Variants in USP42 observed in about 807,000 individuals in gnomAD.
USP42 encodes the protein ubiquitin carboxyl-terminal hydrolase 42.
Under a neutral mutation model 113.0 loss-of-function variants are expected in USP42, and 23 were observed. That is an observed-to-expected ratio of 0.20 (90% CI 0.15 to 0.29). USP42 has a LOEUF of 0.29. USP42 is among the 10% of genes least tolerant of loss of function. The probability of loss-of-function intolerance (pLI) is 1.00; values close to 1 mark genes in which losing one functional copy is unlikely to be tolerated. For synonymous variants in USP42, 933 were observed against 699.0 expected (o/e 1.33, Z -5.28); for missense variants, 2,174 against 1,779.8 (o/e 1.22, Z -3.99).
intron 14 of USP42, among the ~76,000 whole-genome samples, chr7:6,153,303 A>AAAC (rs1554348239): frequency 5.3e-5 from 5 of 94,284 alleles, no homozygotes; most frequent in African/African-American, 3.9e-4. Flanking sequence ...GAAACAAAAC[A>AAAC]AAAAAAAAAA....
At chr7:6,118,539 AG>A (rs1386122005) in intron 3 of USP42, among the ~76,000 whole-genome samples, 1 of 151,882 alleles carries the variant, frequency 6.6e-6, no homozygotes, top group Non-Finnish European at 1.5e-5. Flanking sequence ...AGAAAAGACA[AG>A]AAAAAAAAAA....
chr7:6,153,623 T>TA (rs1782200256), intron 14 of USP42, 133 bp from the exon 15 acceptor site: 12 of 1,170,740 alleles, frequency 1.0e-5, no homozygotes, highest in Non-Finnish European at 1.4e-5. Context: ...GCCTGAAACT[T>TA]AAAGTATAAT....
chr7:6,150,629 T>G, intron 14 of USP42, 123 bp downstream of exon 14: 1 of 889,642 alleles, frequency 1.1e-6, no homozygotes, highest in Non-Finnish European at 1.8e-6. Flanking sequence ...CCTAGAATGA[T>G]TTGAATTATA....
chr7:6,083,265 T>G, the USP42 span, among the ~76,000 whole-genome samples: 1 of 102,336 alleles, frequency 9.8e-6, no homozygotes, highest in Non-Finnish European at 2.1e-5. Flanking sequence ...TTTATTTATT[T>G]ATTTATTTTA....
chr7:6,085,998 C>T, the USP42 span, among the ~76,000 whole-genome samples: 6 of 150,694 alleles, frequency 4.0e-5, no homozygotes, highest in Non-Finnish European at 8.8e-5. Context: ...CTGCCAACAT[C>T]GAGATGAGAG....
intron 15 of USP42, among the ~76,000 whole-genome samples, chr7:6,155,474 A>G (rs965577088): frequency 1.3e-5 from 2 of 152,218 alleles, no homozygotes; most frequent in Non-Finnish European, 2.9e-5. Flanking sequence ...TGAATGCTTT[A>G]TAACTCTTCC....
chr7:6,154,201 G>C lies in USP42; in HGVS notation c.2647G>C (p.Ala883Pro). The change falls in exon 15 of 18, where the codon GCT becomes CCT. Residue 883 changes from alanine to proline, a missense_variant. Ala to Pro is a conservative substitution (Grantham distance 27). Coordinates refer to ENST00000306177, the MANE Select transcript of USP42 (RefSeq NM_032172.3). ...CCCCAGCGGGGACCACGCCCGGGAC[G>C]CTCAGGACCCATCCCAGAGCTTGGG... The part of the protein sequence containing the change: ...VHPSGDHARD[A>P]QDPSQSLGAP... 1 of 1,605,330 alleles carries C rather than the reference G, an allele frequency of 6.2e-7. No individual in the cohort carries two copies. The highest frequency in any genetic ancestry group is 8.5e-7 in the Non-Finnish European group (1 of 1,178,640).
intron 3 of USP42, among the ~76,000 whole-genome samples, chr7:6,124,897 C>T (rs1780442626): frequency 6.6e-6 from 1 of 152,014 alleles, no homozygotes; most frequent in South Asian, 2.1e-4. Context: ...TTCCACTTCT[C>T]AGGCCGGTGC....
chr7:6,147,638 C>T (rs758577862), intron 11 of USP42, 101 bp from the exon 12 acceptor site: 7 of 1,363,732 alleles, frequency 5.1e-6, no homozygotes, highest in Non-Finnish European at 6.9e-6. Flanking sequence ...TTTTTTTCAT[C>T]AGGTTTCCGC....
At position 6,139,887 on chromosome 7, in the gene USP42, T is replaced by G. The variant is rs769498530; in HGVS notation, c.657-241T>G. The stretch of plus-strand genomic sequence containing the variant: ...CCAGACTCCTGCCTTGCTTCCCGAG[T>G]CCCTTCCTGACAGACACAGCTCCCA... On this transcript the variant is annotated intron_variant, in intron 5 of 17. Transcript: ENST00000306177. The surrounding 1 kb of genome is among the most constrained non-coding windows in gnomAD (Gnocchi z 4.5). 1 of 549,432 alleles carries G rather than the reference T, an allele frequency of 1.8e-6. No homozygotes were observed. The highest frequency in any genetic ancestry group is 3.2e-6 in the Non-Finnish European group (1 of 307,710). 34.0% of individuals were successfully genotyped at this position (549,432 alleles called of 1,614,324 possible). A position where few individuals can be genotyped will look rare whatever the true frequency, so the allele number is the denominator to read the frequency against.
At chr7:6,111,501 AT>A in intron 2 of USP42, 127 bp downstream of exon 2, 1 of 1,113,102 alleles carries the variant, frequency 9.0e-7, no homozygotes, top group Non-Finnish European at 1.3e-6. Context: ...GCAGAGTTGT[AT>A]TACTTGATGG....
intron 4 of USP42, among the ~76,000 whole-genome samples, chr7:6,137,086 C>G (rs760060676): frequency 6.6e-6 from 1 of 152,110 alleles, no homozygotes; most frequent in African/African-American, 2.4e-5. Context: ...ACTTTTGCAT[C>G]TTGTTAATTG....
At chr7:6,103,750 A>AC (rs1790216381), upstream of USP42, among the ~76,000 whole-genome samples, 2 of 149,730 alleles carry the variant, frequency 1.3e-5, no homozygotes, top group South Asian at 4.2e-4. Flanking sequence ...AAAAAAAAAA[A>AC]AAAAACAAAA....
intron 2 of USP42, among the ~76,000 whole-genome samples, chr7:6,112,546 A>G (rs906755356): frequency 4.6e-5 from 7 of 152,196 alleles, no homozygotes; most frequent in Admixed American, 3.3e-4. Context: ...ACTCATCCAG[A>G]TAAATGAGAC....
chr7:6,149,507 C>T (rs1781912107), intron 12 of USP42, 76 bp from the exon 13 acceptor site: 3 of 1,516,584 alleles, frequency 2.0e-6, no homozygotes, highest in South Asian at 2.7e-5. Context: ...TGGGAAGGAC[C>T]CATCAGCCAA....
chr7:6,097,971 C>G, the USP42 span, among the ~76,000 whole-genome samples: 1 of 137,248 alleles, frequency 7.3e-6, no homozygotes, highest in African/African-American at 2.8e-5. Flanking sequence ...GTGACACAAT[C>G]TTGCCTCACT....
chr7:6,132,098 A>T lies in USP42; in HGVS notation c.443-3743A>T, dbSNP rs375619055. On this transcript the variant is annotated intron_variant, in intron 3 of 17. Coordinates refer to ENST00000306177, the MANE Select transcript of USP42 (RefSeq NM_032172.3). ...CAGGCGTTCACCACCATGCCTGGCT[A>T]ATTTTTTGTAGAGACAGGATTTTGG... Among the ~76,000 whole-genome samples the T allele has an allele frequency of 5.9e-5, 9 of 152,210 alleles. No homozygotes were observed. In the East Asian group the frequency reaches 1.4e-3, roughly 23 times the overall value.
rs759665713 is a variant in USP42 at position 6,149,677 on chromosome 7, G to T, written c.1481G>T (p.Ser494Ile). 6.2e-7 allele frequency: 1 copy of T among 1,613,976 alleles called. No individual in the cohort carries two copies. The change falls in exon 13 of 18, where the codon AGT becomes ATT. Residue 494 changes from serine to isoleucine, a missense_variant. Coordinates refer to ENST00000306177, the MANE Select transcript of USP42 (RefSeq NM_032172.3). ...GGGAATTCCAGTGTCAACAGGGCTAGTCCTGTTAATGCTTCAGCTTCTGTC... is the reference window on the plus strand; with the variant it reads ...GGGAATTCCAGTGTCAACAGGGCTATTCCTGTTAATGCTTCAGCTTCTGTC... ...PNGNSSVNRA[S>I]PVNASASVQN... is the part of the protein sequence containing the mutation.
chr7:6,127,525 C>G (rs1780605210), intron 3 of USP42, among the ~76,000 whole-genome samples: 2 of 151,094 alleles, frequency 1.3e-5, no homozygotes, highest in African/African-American at 4.9e-5. Context: ...GCGTCATTTT[C>G]TTGAAGAAGC....
Sources: gnomAD v4.1 joint callset for allele counts (sites outside exome capture counted in the v4.1 genomes callset) on GRCh38, gnomAD v4.1.1 for gene constraint, Gnocchi (gnomAD v3.1) non-coding constraint, MANE v1.5 for transcripts, NCBI Gene and HGNC (gene_info 2026-07-23, HGNC 2026-07-21) for gene names.